Variants in ZNRF3 observed in about 807,000 individuals in gnomAD.
The protein encoded by ZNRF3 is E3 ubiquitin-protein ligase ZNRF3.
Under a neutral mutation model 72.5 loss-of-function variants are expected in ZNRF3, and 23 were observed. That is an observed-to-expected ratio of 0.32 (90% CI 0.23 to 0.45). The LOEUF is 0.45. Among genes scored for constraint, ZNRF3 ranks in the 20% least tolerant of loss-of-function variants. The pLI is 1.00. For synonymous variants in ZNRF3, 610 were observed against 545.3 expected (o/e 1.12, Z -1.65); for missense variants, 1,169 against 1,272.1 (o/e 0.92, Z 1.23).
In ZNRF3 at chr22:29,048,406, C is replaced by A. The variant is rs1412054875; in HGVS notation, c.930C>A (p.Pro310=). The change falls in exon 7 of 9, where the codon CCC becomes CCA. Residue 310 remains proline, a synonymous_variant. Coordinates refer to ENST00000544604, the MANE Select transcript of ZNRF3 (RefSeq NM_001206998.2). The surrounding 1 kb of genome is among the most constrained non-coding windows in gnomAD (Gnocchi z 4.9). ...YIDGEELRVI[P]CTHRFHRKCV... The stretch of plus-strand genomic sequence containing the variant: ...CTGCCCAGGAGCTGCGGGTCATCCC[C>A]TGTACTCACCGGTTTCACAGGAAGT... 2 of 1,614,032 alleles carry A rather than the reference C, an allele frequency of 1.2e-6. No individual in the cohort carries two copies. The highest frequency in any genetic ancestry group is 3.3e-5 in the Admixed American group (2 of 60,006).
intron 6 of ZNRF3, among the ~76,000 whole-genome samples, chr22:29,047,376 G>GATGC (rs758154930): frequency 2.0e-5 from 3 of 152,204 alleles, no homozygotes; most frequent in Non-Finnish European, 4.4e-5. Context: ...TCTCTAGACA[G>GATGC]ATGCATACAT....
At chr22:29,041,667 C>T (rs1266622892) in intron 2 of ZNRF3, among the ~76,000 whole-genome samples, 1 of 152,176 alleles carries the variant, frequency 6.6e-6, no homozygotes, top group East Asian at 1.9e-4. Flanking sequence ...AGGAAACCTG[C>T]TTTACAAACT....
intron 2 of ZNRF3, among the ~76,000 whole-genome samples, chr22:29,035,848 C>T (rs2036856917): frequency 6.6e-6 from 1 of 152,046 alleles, no homozygotes; most frequent in Admixed American, 6.6e-5. Context: ...CCAAAGTGCT[C>T]GGATTACAGG....
At chr22:28,980,431 G>A (rs886548692) in intron 1 of ZNRF3, among the ~76,000 whole-genome samples, 2 of 152,178 alleles carry the variant, frequency 1.3e-5, no homozygotes, top group East Asian at 1.9e-4. Context: ...CCTCATAAAA[G>A]GCAGAAGTGA....
chr22:29,007,477 A>AT (rs879365258), intron 2 of ZNRF3, among the ~76,000 whole-genome samples: 45 of 146,794 alleles, frequency 3.1e-4, no homozygotes, highest in East Asian at 7.9e-4. Flanking sequence ...ATCTCTACAA[A>AT]TTTTTTTTTT....
chr22:28,939,092 C>T (rs2034893478), intron 1 of ZNRF3, among the ~76,000 whole-genome samples: 1 of 152,122 alleles, frequency 6.6e-6, no homozygotes, highest in African/African-American at 2.4e-5. Context: ...TGAGACCAGC[C>T]TGGCCAACAT....
rs1038207721 is a variant in ZNRF3 at position 28,892,417 on chromosome 22, CTG to C, written c.300+8353_300+8354del. Among the ~76,000 whole-genome samples, 19 of 152,228 alleles carry C rather than the reference CTG, an allele frequency of 1.2e-4. 1 individual carries two copies. Among genetic ancestry groups the C allele is most frequent in the Admixed American group, 4.6e-4 (7 of 15,286 alleles). The stretch of plus-strand genomic sequence containing the variant: ...GCCCTGGTGCTAAGTTTAGACCTGT[CTG>C]TCACTGTATGAGCATTCTGGCCTTT... On this transcript the variant is annotated intron_variant, in intron 1 of 8. Coordinates refer to ENST00000544604, the MANE Select transcript of ZNRF3 (RefSeq NM_001206998.2).
chr22:28,986,042 C>G (rs2035849240), intron 1 of ZNRF3, among the ~76,000 whole-genome samples: 1 of 152,200 alleles, frequency 6.6e-6, no homozygotes, highest in Non-Finnish European at 1.5e-5. Flanking sequence ...CTCATGCTTC[C>G]CTGCTTCCCT....
Position 28,883,738 on chromosome 22 carries a change from C to T in ZNRF3, c.-29C>T. The T allele has an allele frequency of 1.0e-6, 1 of 981,246 alleles. No homozygotes were observed. The highest frequency in any genetic ancestry group is 1.8e-5 in the African/African-American group (1 of 56,766). The allele number at this position is 981,246 out of a possible 1,614,324, so 60.8% of individuals were successfully genotyped here. ...GCCCGCGACTATGCCCGGCCGCGCCCGCCCTCCGCGCCCTCCCGCCGCAGG... is the reference window on the plus strand; with the variant it reads ...GCCCGCGACTATGCCCGGCCGCGCCTGCCCTCCGCGCCCTCCCGCCGCAGG... On this transcript the variant is annotated 5_prime_UTR_variant, in exon 1 of 9. Transcript: ENST00000544604. The surrounding 1 kb of genome is among the most constrained non-coding windows in gnomAD (Gnocchi z 5.5).
chr22:29,050,546 C>T lies in ZNRF3; in HGVS notation c.2365C>T (p.Arg789Cys). Residue 789 changes from arginine (R) to cysteine (C), a missense_variant, in exon 8 of 9, where the codon CGC (arginine) becomes TGC (cysteine). Physicochemically the swap from Arg to Cys is radical, Grantham distance 180. Around this residue, in one of 2 missense-constraint regions of ZNRF3, gnomAD observed 783 missense variants for 731.4 expected, o/e 1.07. Coordinates refer to ENST00000544604, the MANE Select transcript of ZNRF3 (RefSeq NM_001206998.2). ...CCFYEEKQVA[R>C]GGGGGSGCYT... The stretch of plus-strand genomic sequence containing the variant: ...CTTCTATGAAGAGAAGCAGGTGGCC[C>T]GCGGGGGCGGAGGGGGCAGCGGCTG... 6.2e-7 allele frequency: 1 copy of T among 1,610,396 alleles called. No homozygotes were observed. Among genetic ancestry groups the T allele is most frequent in the Non-Finnish European group, 8.5e-7 (1 of 1,178,756 alleles).
At chr22:28,962,698 G>C (rs2035386475) in intron 1 of ZNRF3, among the ~76,000 whole-genome samples, 1 of 152,182 alleles carries the variant, frequency 6.6e-6, no homozygotes. Context: ...GGTATGCAGG[G>C]GAGGACAGCT....
Position 29,042,572 on chromosome 22 carries a change from A to G in ZNRF3, c.501+3A>G, listed in dbSNP as rs770996941. 1.2e-6 allele frequency: 2 copies of G among 1,613,068 alleles called. No individual in the cohort carries two copies. Among genetic ancestry groups the G allele is most frequent in the Non-Finnish European group, 1.7e-6 (2 of 1,179,934 alleles). The stretch of plus-strand genomic sequence containing the variant: ...AAAACCCAGAAGCTATTGATCAGGT[A>G]AGCTCCTCAGGCCATGCCAACACTG... On this transcript the variant is annotated splice_donor_region_variant and intron_variant, in intron 3 of 8. Coordinates refer to ENST00000544604, the MANE Select transcript of ZNRF3 (RefSeq NM_001206998.2).
At chr22:28,973,438 A>T (rs5762926) in intron 1 of ZNRF3, among the ~76,000 whole-genome samples, 8,366 of 152,282 alleles carry the variant, frequency 0.055, 477 homozygotes, top group African/African-American at 0.14. Flanking sequence ...TTGTATCTGA[A>T]CATCAGAAAT....
chr22:28,898,939 T>G lies in ZNRF3; in HGVS notation c.300+14873T>G, dbSNP rs1044338549. ...TGACATGCTGAGGTTTTTTTTTTTT[T>G]TTTTTTTTTTTAACTGTTTTTGTGG... On this transcript the variant is annotated intron_variant, in intron 1 of 8. Transcript: ENST00000544604. 7.1e-4 allele frequency among the ~76,000 whole-genome samples: 107 copies of G among 151,588 alleles called. 5 individuals carry two copies. In the South Asian group the frequency reaches 0.015, roughly 22 times the overall value.
chr22:28,884,305 G>C (rs1211612420), intron 1 of ZNRF3, among the ~76,000 whole-genome samples: 2 of 152,216 alleles, frequency 1.3e-5, no homozygotes, highest in East Asian at 3.9e-4. Flanking sequence ...GGGCGGGAGG[G>C]GCATCCTGGG....
intron 1 of ZNRF3, among the ~76,000 whole-genome samples, chr22:28,933,142 T>A (rs151087045): frequency 1.7e-4 from 26 of 152,326 alleles, no homozygotes; most frequent in African/African-American, 6.3e-4. Flanking sequence ...TTTAAAAATA[T>A]CATCTAAACT....
chr22:28,957,418 T>A (rs192888246), intron 1 of ZNRF3, among the ~76,000 whole-genome samples: 219 of 152,248 alleles, frequency 1.4e-3, no homozygotes, highest in Non-Finnish European at 6.8e-4. Flanking sequence ...GCTTTCTGAT[T>A]GGATAATAAT....
At chr22:28,938,622 C>T (rs867097203) in intron 1 of ZNRF3, among the ~76,000 whole-genome samples, 1 of 152,144 alleles carries the variant, frequency 6.6e-6, no homozygotes, top group Non-Finnish European at 1.5e-5. Context: ...CTTTGGGTGA[C>T]ATGAGCTGTT....
At chr22:29,041,922 A>G (rs1042047214) in intron 2 of ZNRF3, among the ~76,000 whole-genome samples, 5 of 152,182 alleles carry the variant, frequency 3.3e-5, no homozygotes, top group African/African-American at 7.2e-5. Context: ...TTGGTTGCCA[A>G]TGGCTCTGAA....
Sources: allele counts gnomAD v4.1 joint callset (sites outside exome capture counted in the v4.1 genomes callset), GRCh38; gene constraint gnomAD v4.1.1; regional missense constraint gnomAD v4.1.1; non-coding constraint Gnocchi (gnomAD v3.1); transcripts MANE v1.5; gene names NCBI Gene and HGNC (gene_info 2026-07-23, HGNC 2026-07-21).